Variants in ZBTB21 observed in about 807,000 individuals in gnomAD.
The protein encoded by ZBTB21 is zinc finger and BTB domain containing 21.
In ZBTB21, 10 loss-of-function variants were observed where a neutral mutation model predicts 39.8. The observed-to-expected ratio is 0.25, with a 90% confidence interval of 0.16 to 0.43. The LOEUF is 0.43. Among genes scored for constraint, ZBTB21 ranks in the 20% least tolerant of loss-of-function variants. The pLI is 1.00. For missense variants in ZBTB21, 1,221 were observed against 1,296.3 expected (o/e 0.94, Z 0.89); for synonymous variants, 551 against 498.8 (o/e 1.10, Z -1.40).
chr21:42,006,222 C>A (rs1478888297), intron 1 of ZBTB21, among the ~76,000 whole-genome samples: 2 of 152,098 alleles, frequency 1.3e-5, no homozygotes, highest in African/African-American at 4.8e-5. Context: ...CGAGACCAGC[C>A]TGGCCAACAT....
rs2065714132 is a variant in ZBTB21 at position 41,994,118 on chromosome 21, A to G, written c.-13-10T>C. 4 of 1,544,180 alleles carry G rather than the reference A, an allele frequency of 2.6e-6. No homozygotes were observed. Among genetic ancestry groups the G allele is most frequent in the Non-Finnish European group, 3.5e-6 (4 of 1,148,978 alleles). On this transcript the variant is annotated splice_polypyrimidine_tract_variant and intron_variant, in intron 2 of 2. Coordinates refer to ENST00000310826, the MANE Select transcript of ZBTB21 (RefSeq NM_001098402.2). ...CATGGCTTGAGTTTATCTAAAAGACAAAATGTAAAATTACTACAGATATTG... is the reference window on the plus strand; with the variant it reads ...CATGGCTTGAGTTTATCTAAAAGACGAAATGTAAAATTACTACAGATATTG...
At position 41,991,924 on chromosome 21, in the gene ZBTB21, G is replaced by A. The variant is rs1278561879; in HGVS notation, c.2172C>T (p.Cys724=). 6.2e-7 allele frequency: 1 copy of A among 1,614,124 alleles called. No individual in the cohort carries two copies. The highest frequency in any genetic ancestry group is 2.2e-5 in the East Asian group (1 of 44,890). Residue 724 remains cysteine, a synonymous_variant, in exon 3 of 3, where the codon TGC becomes TGT. Transcript: ENST00000310826. This position sits in a 1 kb window ranked among gnomAD's most constrained non-coding sequence, Gnocchi z 4.9. ...AAGAGAGCTTAGCATTACAGAGGCG[G>A]CACTGGTAAACCTCCTTGTTTTCTA... ...SPVENKEVYQ[C]RLCNAKLSSL...
chr21:42,005,113 T>C (rs1048960705), intron 1 of ZBTB21, among the ~76,000 whole-genome samples: 2 of 152,218 alleles, frequency 1.3e-5, no homozygotes, highest in Non-Finnish European at 2.9e-5. Context: ...AGGAGAATGA[T>C]CCTACTCCAA....
In ZBTB21 at chr21:41,991,409, G is replaced by A. The variant is rs780085357; in HGVS notation, c.2687C>T (p.Ala896Val). The change falls in exon 3 of 3, where the codon GCC (alanine) becomes GTC (valine). Residue 896 changes from alanine to valine, a missense_variant. By Grantham distance (64) the Ala-to-Val change is moderately conservative (BLOSUM62 0). Transcript: ENST00000310826. This position sits in a 1 kb window ranked among gnomAD's most constrained non-coding sequence, Gnocchi z 4.9. ...AEEEAPEAST[A>V]PKEAGPSKEA... ...TTTGCTAGGACCCGCTTCTTTGGGGGCTGTGCTGGCCTCGGGTGCCTCTTC... is the reference window on the plus strand; with the variant it reads ...TTTGCTAGGACCCGCTTCTTTGGGGACTGTGCTGGCCTCGGGTGCCTCTTC... 3.1e-6 allele frequency: 5 copies of A among 1,610,066 alleles called. No homozygotes were observed. The highest frequency in any genetic ancestry group is 4.2e-6 in the Non-Finnish European group (5 of 1,178,394).
intron 2 of ZBTB21, among the ~76,000 whole-genome samples, chr21:41,997,607 A>C (rs978856081): frequency 1.2e-5 from 1 of 82,930 alleles, no homozygotes; most frequent in Non-Finnish European, 2.8e-5. Flanking sequence ...ACAAAAAAAC[A>C]AAAAAAAGAT....
intron 1 of ZBTB21, among the ~76,000 whole-genome samples, chr21:42,004,007 T>G (rs534959194): frequency 0.037 from 5,277 of 143,848 alleles, 122 homozygotes; most frequent in Non-Finnish European, 0.057. Context: ...CTCACATCTT[T>G]TTTTTTTTTT....
In ZBTB21 at chr21:42,010,325, T is replaced by C. The variant is rs1412228372; in HGVS notation, c.-152A>G. On this transcript the variant is annotated 5_prime_UTR_variant, in exon 1 of 3. Coordinates refer to ENST00000310826, the MANE Select transcript of ZBTB21 (RefSeq NM_001098402.2). ...GGCTCGCGCGCGCCGCAGCCGCCGC[T>C]GCCGCTGTGATTCCATCCATCTTGA... is the stretch of plus-strand genomic sequence containing the variant. 7.6e-6 allele frequency: 3 copies of C among 396,726 alleles called. No individual in the cohort carries two copies. Among genetic ancestry groups the C allele is most frequent in the Non-Finnish European group, 8.9e-6 (2 of 225,014 alleles). The allele number at this position is 396,726 out of a possible 1,614,324, so 24.6% of individuals were successfully genotyped here. A position where few individuals can be genotyped will look rare whatever the true frequency, so the allele number is the denominator to read the frequency against.
intron 1 of ZBTB21, among the ~76,000 whole-genome samples, chr21:42,003,455 A>G (rs1347053273): frequency 6.6e-6 from 1 of 152,204 alleles, no homozygotes; most frequent in Non-Finnish European, 1.5e-5. Flanking sequence ...TAATTTGGCC[A>G]GGGTGTAGGA....
At position 41,988,071 on chromosome 21, in the gene ZBTB21, T is replaced by C. The variant is rs191488908; in HGVS notation, c.*2824A>G. 1 of 152,336 alleles carries C rather than the reference T, an allele frequency of 6.6e-6. No homozygotes were observed. Among genetic ancestry groups the C allele is most frequent in the African/African-American group, 2.4e-5 (1 of 41,582 alleles). The allele number at this position is 152,336 out of a possible 1,614,324, so 9.4% of individuals were successfully genotyped here. On this transcript the variant is annotated 3_prime_UTR_variant, in exon 3 of 3. Transcript: ENST00000310826. Reference sequence around the variant, plus strand: ...TTGTATATTCTGGTAAAATTATAAATGCATACTAACTAGTTTTAAAGGTGA... The same window carrying C: ...TTGTATATTCTGGTAAAATTATAAACGCATACTAACTAGTTTTAAAGGTGA...
Position 41,991,111 on chromosome 21 carries a change from C to G in ZBTB21, c.2985G>C (p.Lys995Asn). Residue 995 changes from lysine (K) to asparagine (N), a missense_variant, in exon 3 of 3, where the codon AAG (lysine) becomes AAC (asparagine). By Grantham distance (94) the Lys-to-Asn change is moderately conservative. This residue lies in a region of ZBTB21 where 523 missense variants were observed against 542.5 expected (regional missense o/e 0.96). Transcript: ENST00000310826. This position sits in a 1 kb window ranked among gnomAD's most constrained non-coding sequence, Gnocchi z 4.9. The stretch of plus-strand genomic sequence containing the variant: ...GGCTGTCAGGCTCCAGAGGCTGGAT[C>G]TTGGGCAGTGGTGGTGGCGGTGGCA... ...PPLPPPPPLP[K>N]IQPLEPDSPT... is the part of the protein sequence containing the mutation. The G allele has an allele frequency of 2.5e-6, 4 of 1,613,120 alleles. No individual in the cohort carries two copies. Among genetic ancestry groups the G allele is most frequent in the Non-Finnish European group, 3.4e-6 (4 of 1,179,558 alleles).
chr21:41,998,442 C>T (rs569301584), intron 2 of ZBTB21, among the ~76,000 whole-genome samples: 8 of 152,290 alleles, frequency 5.3e-5, no homozygotes, highest in South Asian at 2.1e-4. Context: ...CTGCCTGCCT[C>T]GGCCTCCCAA....
rs1275122652 is a variant in ZBTB21 at position 42,010,320 on chromosome 21, G to A, written c.-147C>T. The A allele has an allele frequency of 1.0e-5, 4 of 398,230 alleles. No individual in the cohort carries two copies. The highest frequency in any genetic ancestry group is 4.1e-5 in the African/African-American group (2 of 48,708). 24.7% of individuals were successfully genotyped at this position (398,230 alleles called of 1,614,324 possible). ...CACTCGGCTCGCGCGCGCCGCAGCC[G>A]CCGCTGCCGCTGTGATTCCATCCAT... On this transcript the variant is annotated 5_prime_UTR_variant, in exon 1 of 3. Transcript: ENST00000310826.
At chr21:42,009,679 G>C (rs1275075831) in intron 1 of ZBTB21, 1 of 152,980 alleles carries the variant, frequency 6.5e-6, no homozygotes, top group African/African-American at 2.4e-5. Flanking sequence ...AGCGGGCACC[G>C]AGCGGTCACG....
At chr21:42,000,917 ATAGAG>A (rs1483193508) in intron 2 of ZBTB21, among the ~76,000 whole-genome samples, 5 of 152,230 alleles carry the variant, frequency 3.3e-5, no homozygotes, top group African/African-American at 9.6e-5. Context: ...GAATAACTTT[ATAGAG>A]TATTTATTTT....
Position 41,991,489 on chromosome 21 carries a change from A to G in ZBTB21, c.2607T>C (p.Ser869=), listed in dbSNP as rs1326282761. ...CTTGGATTTTCAGTTGCTTGGAAAGACTAAGGTCTTCGGGAAGACAAGAGG... is the reference window on the plus strand; with the variant it reads ...CTTGGATTTTCAGTTGCTTGGAAAGGCTAAGGTCTTCGGGAAGACAAGAGG... ...EDSSCLPEDL[S]LSKQLKIQVK... Residue 869 remains serine, a synonymous_variant, in exon 3 of 3, where the codon AGT becomes AGC. Coordinates refer to ENST00000310826, the MANE Select transcript of ZBTB21 (RefSeq NM_001098402.2). The surrounding 1 kb of genome is among the most constrained non-coding windows in gnomAD (Gnocchi z 4.9). 1.9e-6 allele frequency: 3 copies of G among 1,614,198 alleles called. No individual in the cohort carries two copies. In the South Asian group the frequency reaches 3.3e-5, roughly 18 times the overall value.
At chr21:42,003,410 A>G (rs1279226597) in intron 1 of ZBTB21, among the ~76,000 whole-genome samples, 1 of 152,240 alleles carries the variant, frequency 6.6e-6, no homozygotes, top group African/African-American at 2.4e-5. Context: ...AAGGATGTGA[A>G]GAATGCTACG....
chr21:41,995,954 T>A (rs2065740866), intron 2 of ZBTB21, among the ~76,000 whole-genome samples: 1 of 152,132 alleles, frequency 6.6e-6, no homozygotes, highest in Non-Finnish European at 1.5e-5. Context: ...TGTGCAGAAG[T>A]AAAGAACTGA....
In ZBTB21 at chr21:42,008,472, C is replaced by G. The variant is rs1216577314; in HGVS notation, c.-79+1780G>C. Reference sequence around the variant, plus strand: ...GGCGGAGGTTGCAAAACCAGGGAGGCGGAGGTTGCAGTGAGCCAAGATCAC... The same window carrying G: ...GGCGGAGGTTGCAAAACCAGGGAGGGGGAGGTTGCAGTGAGCCAAGATCAC... On this transcript the variant is annotated intron_variant, in intron 1 of 2. Coordinates refer to ENST00000310826, the MANE Select transcript of ZBTB21 (RefSeq NM_001098402.2). Among the ~76,000 whole-genome samples the G allele has an allele frequency of 2.2e-5, 3 of 133,774 alleles. No homozygotes were observed. The Admixed American group carries it at 2.5e-4, about 11-fold the overall frequency. The allele number at this position is 133,774 out of a possible 152,430, so 87.8% of individuals were successfully genotyped here. A position where few individuals can be genotyped will look rare whatever the true frequency, so the allele number is the denominator to read the frequency against.
chr21:42,009,516 C>G (rs2065930021), intron 1 of ZBTB21: 1 of 152,296 alleles, frequency 6.6e-6, no homozygotes, highest in African/African-American at 2.4e-5. Flanking sequence ...GGTCGCCGGC[C>G]GAGCAGCAGG....
Sources: allele counts gnomAD v4.1 joint callset (sites outside exome capture counted in the v4.1 genomes callset), GRCh38; gene constraint gnomAD v4.1.1; regional missense constraint gnomAD v4.1.1; non-coding constraint Gnocchi (gnomAD v3.1); transcripts MANE v1.5; gene names NCBI Gene and HGNC (gene_info 2026-07-23, HGNC 2026-07-21).